INPP4B: variants seen among roughly 807,000 people sequenced by gnomAD.
The protein encoded by INPP4B is inositol polyphosphate 4-phosphatase type II.
Under a neutral mutation model 122.5 loss-of-function variants are expected in INPP4B, and 55 were observed. The observed-to-expected ratio is 0.45, with a 90% CI of 0.36 to 0.56. The LOEUF (loss-of-function observed/expected upper bound fraction) is 0.56. Among genes scored for constraint, INPP4B ranks in the 20% least tolerant of loss-of-function variants. INPP4B has a pLI of 0.00. For synonymous variants in INPP4B, 403 were observed against 388.7 expected (o/e 1.04, Z -0.43); for missense variants, 1,000 against 1,097.7 (o/e 0.91, Z 1.26).
intron 1 of INPP4B, among the ~76,000 whole-genome samples, chr4:142,829,296 G>A (rs1338840114): frequency 6.6e-6 from 1 of 151,908 alleles, no homozygotes; most frequent in Non-Finnish European, 1.5e-5. Context: ...ATCATATAAT[G>A]ACCCCTGACT....
intron 2 of INPP4B, among the ~76,000 whole-genome samples, chr4:142,536,871 A>G (rs1474311795): frequency 1.3e-5 from 2 of 152,102 alleles, no homozygotes; most frequent in African/African-American, 4.8e-5. Flanking sequence ...GGCTCGGCTC[A>G]CTGCAACCTC....
chr4:142,090,293 A>T (rs561249583), intron 23 of INPP4B, among the ~76,000 whole-genome samples: 7 of 149,744 alleles, frequency 4.7e-5, no homozygotes, highest in African/African-American at 1.7e-4. Flanking sequence ...AGTAATTTTG[A>T]TTTTTTTTTT....
chr4:142,836,937 G>A (rs1387086093), intron 1 of INPP4B, among the ~76,000 whole-genome samples: 7 of 151,758 alleles, frequency 4.6e-5, no homozygotes, highest in Non-Finnish European at 1.0e-4. Context: ...AGGCCGAGGC[G>A]GGTGGATCAC....
At chr4:142,593,924 A>G (rs1457475428) in intron 2 of INPP4B, among the ~76,000 whole-genome samples, 1 of 151,960 alleles carries the variant, frequency 6.6e-6, no homozygotes, top group Admixed American at 6.6e-5. Context: ...GTATTGAACT[A>G]TTTGTTTTAT....
intron 2 of INPP4B, among the ~76,000 whole-genome samples, chr4:142,628,354 T>A (rs568855992): frequency 7.9e-5 from 11 of 139,800 alleles, no homozygotes. Flanking sequence ...AGGTGGGAAC[T>A]GAACAATGAG....
intron 2 of INPP4B, among the ~76,000 whole-genome samples, chr4:142,556,957 T>A (rs1182519049): frequency 6.6e-6 from 1 of 152,130 alleles, no homozygotes; most frequent in Non-Finnish European, 1.5e-5. Context: ...ATTAGATACA[T>A]CAAAACCGAT....
At chr4:142,079,891 A>T (rs1233304075) in intron 25 of INPP4B, among the ~76,000 whole-genome samples, 5 of 152,118 alleles carry the variant, frequency 3.3e-5, no homozygotes, top group Admixed American at 3.3e-4. Flanking sequence ...CACAAACATA[A>T]AACTACAAGG....
intron 9 of INPP4B, among the ~76,000 whole-genome samples, chr4:142,275,038 T>C (rs1228303269): frequency 2.0e-5 from 3 of 151,812 alleles, no homozygotes; most frequent in Non-Finnish European, 4.4e-5. Flanking sequence ...ATACATAATA[T>C]ATTGGTGATT....
At chr4:142,594,190 A>C (rs1738166046) in intron 2 of INPP4B, among the ~76,000 whole-genome samples, 1 of 152,216 alleles carries the variant, frequency 6.6e-6, no homozygotes, top group Non-Finnish European at 1.5e-5. Flanking sequence ...AGCATTTGTC[A>C]TAAAAAGGAA....
chr4:142,405,146 C>T (rs983195556), intron 6 of INPP4B, 60 bp downstream of exon 6: 2 of 969,846 alleles, frequency 2.1e-6, no homozygotes, highest in African/African-American at 1.7e-5. Flanking sequence ...AGAGCAAGAG[C>T]GAGCGAGCCA....
intron 18 of INPP4B, among the ~76,000 whole-genome samples, chr4:142,126,813 A>C (rs1338684593): frequency 6.6e-6 from 1 of 152,126 alleles, no homozygotes; most frequent in Non-Finnish European, 1.5e-5. Flanking sequence ...ACATCAATAG[A>C]TACCAAGAAT....
intron 12 of INPP4B, among the ~76,000 whole-genome samples, chr4:142,224,229 A>T (rs1026873825): frequency 1.3e-5 from 2 of 152,200 alleles, no homozygotes; most frequent in African/African-American, 4.8e-5. Context: ...GTTAAATCTT[A>T]GAATGTCAAA....
intron 1 of INPP4B, among the ~76,000 whole-genome samples, chr4:142,745,772 T>C (rs1768649540): frequency 6.6e-6 from 1 of 151,950 alleles, no homozygotes; most frequent in Non-Finnish European, 1.5e-5. Flanking sequence ...AGAAAGCTGT[T>C]GTGGTTATGT....
At chr4:142,821,299 G>A (rs1780764257) in intron 1 of INPP4B, among the ~76,000 whole-genome samples, 1 of 151,976 alleles carries the variant, frequency 6.6e-6, no homozygotes, top group South Asian at 2.1e-4. Flanking sequence ...TTTTATCATG[G>A]AGCAGTTAGA....
At chr4:142,685,145 A>G (rs554869754) in intron 2 of INPP4B, among the ~76,000 whole-genome samples, 1 of 152,180 alleles carries the variant, frequency 6.6e-6, no homozygotes, top group African/African-American at 2.4e-5. Context: ...GCAGCTTCAG[A>G]TATGCTTCTT....
chr4:142,564,861 A>AC (rs1287689340), intron 2 of INPP4B, among the ~76,000 whole-genome samples: 3 of 152,080 alleles, frequency 2.0e-5, no homozygotes, highest in Non-Finnish European at 4.4e-5. Flanking sequence ...AGTATTTAAG[A>AC]CTGATTTTTC....
intron 2 of INPP4B, among the ~76,000 whole-genome samples, chr4:142,571,650 C>G (rs1403127058): frequency 6.6e-6 from 1 of 152,102 alleles, no homozygotes; most frequent in Non-Finnish European, 1.5e-5. Flanking sequence ...TCACATCTAT[C>G]TATAGACTGG....
chr4:142,746,676 A>G (rs1315410152), intron 1 of INPP4B, among the ~76,000 whole-genome samples: 1 of 152,154 alleles, frequency 6.6e-6, no homozygotes, highest in Non-Finnish European at 1.5e-5. Context: ...AAACAGATAT[A>G]TAGACCAATG....
Position 142,030,396 on chromosome 4 carries a change from C to T in INPP4B, c.2643-1482G>A, listed in dbSNP as rs192274345. ...GCCTTAAATATTCTGAAATACAATG[C>T]ATTATCTTACATAACACAACTCTTT... is the stretch of plus-strand genomic sequence containing the variant. On this transcript the variant is annotated intron_variant, in intron 25 of 25. Coordinates refer to ENST00000262992, the MANE Select transcript of INPP4B (RefSeq NM_001101669.3). 7.3e-5 allele frequency: 73 copies of T among 994,276 alleles called. No individual in the cohort carries two copies. In the Middle Eastern group the frequency reaches 9.4e-4, roughly 13 times the overall value. 61.6% of individuals were successfully genotyped at this position (994,276 alleles called of 1,614,324 possible).
Sources: gnomAD v4.1 joint callset for allele counts (sites outside exome capture counted in the v4.1 genomes callset) on GRCh38, gnomAD v4.1.1 for gene constraint, MANE v1.5 for transcripts, NCBI Gene and HGNC (gene_info 2026-07-23, HGNC 2026-07-21) for gene names.